Variants in UBAC2 observed in about 807,000 individuals in gnomAD.
UBAC2 encodes ubiquitin-associated domain-containing protein 2.
Under a neutral mutation model 44.0 loss-of-function variants are expected in UBAC2, and 26 were observed. The ratio of observed to expected loss-of-function variants is 0.59; its 90% CI spans 0.43 to 0.82. UBAC2 has a LOEUF of 0.82. Among genes scored for constraint, UBAC2 ranks in the 40% least tolerant of loss-of-function variants. UBAC2 has a pLI of 0.00. For missense variants in UBAC2, 329 were observed against 419.4 expected (o/e 0.78, Z 1.88); for synonymous variants, 155 against 154.3 (o/e 1.00, Z -0.04).
intron 2 of UBAC2, among the ~76,000 whole-genome samples, chr13:99,241,066 C>G (rs2043293330): frequency 6.6e-6 from 1 of 151,960 alleles, no homozygotes; most frequent in South Asian, 2.1e-4. Context: ...GAGTTCAAGA[C>G]CAGCCTGGGC....
At chr13:99,264,629 C>T (rs957501081) in intron 4 of UBAC2, among the ~76,000 whole-genome samples, 2 of 152,162 alleles carry the variant, frequency 1.3e-5, no homozygotes, top group African/African-American at 2.4e-5. Context: ...CTCTGATGGT[C>T]ACTCTCCCCA....
chr13:99,373,724 T>C (rs1040560464), intron 8 of UBAC2, among the ~76,000 whole-genome samples: 50 of 152,122 alleles, frequency 3.3e-4, no homozygotes, highest in Admixed American at 3.0e-3. Context: ...TAGAGGGGAC[T>C]GGAGGGCCGG....
At chr13:99,336,753 G>A (rs546866044) in intron 6 of UBAC2, among the ~76,000 whole-genome samples, 11 of 152,156 alleles carry the variant, frequency 7.2e-5, no homozygotes, top group Non-Finnish European at 1.5e-4. Context: ...GCCTTTTCTG[G>A]GTTTTTTATT....
At position 99,385,250 on chromosome 13, in the gene UBAC2, G is replaced by A; in HGVS notation, c.950G>A (p.Gly317Glu). The change falls in exon 9 of 9, where the codon GGA (glycine) becomes GAA (glutamate). Residue 317 changes from glycine (G) to glutamate (E), a missense_variant. Gly to Glu is a moderately conservative substitution (Grantham distance 98). Transcript: ENST00000403766. ...CAGGTCGCCCGGCTCATGGAGATGG[G>A]ATTTTCCAGAGGTGATGCTTTGGAA... ...EEQVARLMEM[G>E]FSRGDALEAL... is the part of the protein sequence containing the mutation. 10 of 1,614,160 alleles carry A rather than the reference G, an allele frequency of 6.2e-6. No individual in the cohort carries two copies. The highest frequency in any genetic ancestry group is 8.5e-6 in the Non-Finnish European group (10 of 1,180,020).
chr13:99,257,934 TTATTTTTTTAATTAAATA>T (rs1166979744), intron 4 of UBAC2, among the ~76,000 whole-genome samples: 1 of 152,228 alleles, frequency 6.6e-6, no homozygotes, highest in African/African-American at 2.4e-5. Flanking sequence ...TTTGTTATGT[TTATTTTTTTAATTAAATA>T]TATTTTTTTA....
At chr13:99,337,099 G>A (rs1390235764) in intron 6 of UBAC2, among the ~76,000 whole-genome samples, 3 of 152,022 alleles carry the variant, frequency 2.0e-5, no homozygotes, top group Non-Finnish European at 2.9e-5. Context: ...TCAGGCTTTG[G>A]GTCTGGCTTC....
At chr13:99,344,510 TAC>T (rs958126112) in intron 7 of UBAC2, among the ~76,000 whole-genome samples, 9 of 152,242 alleles carry the variant, frequency 5.9e-5, no homozygotes, top group African/African-American at 2.2e-4. Flanking sequence ...TCATTTAAAA[TAC>T]AACTGTTATT....
intron 4 of UBAC2, among the ~76,000 whole-genome samples, chr13:99,305,191 A>G (rs1234208466): frequency 6.6e-6 from 1 of 152,230 alleles, no homozygotes; most frequent in Non-Finnish European, 1.5e-5. Context: ...TACTTTTTAG[A>G]TATTTGCAGA....
At chr13:99,349,313 A>G (rs538574482) in intron 7 of UBAC2, among the ~76,000 whole-genome samples, 42 of 152,224 alleles carry the variant, frequency 2.8e-4, no homozygotes, top group Non-Finnish European at 5.1e-4. Flanking sequence ...CACAGCACCT[A>G]AAGCCCTTGG....
At chr13:99,215,433 C>T in intron 1 of UBAC2, 1 of 1,351,238 alleles carries the variant, frequency 7.4e-7, no homozygotes, top group South Asian at 1.2e-5. Context: ...TGGAATGACA[C>T]CACCACCAGC....
At chr13:99,344,443 ATGTTTT>A (rs1030294510) in intron 7 of UBAC2, among the ~76,000 whole-genome samples, 1 of 152,180 alleles carries the variant, frequency 6.6e-6, no homozygotes, top group African/African-American at 2.4e-5. Context: ...TTTCAAATAC[ATGTTTT>A]TGTTGTTTGC....
chr13:99,311,590 T>C (rs2044411879), intron 4 of UBAC2, among the ~76,000 whole-genome samples: 1 of 152,230 alleles, frequency 6.6e-6, no homozygotes, highest in South Asian at 2.1e-4. Flanking sequence ...CCAACCAATA[T>C]TGAATATGGA....
At position 99,267,880 on chromosome 13, in the gene UBAC2, C is replaced by A. The variant is rs180802494; in HGVS notation, c.389+23256C>A. ...ACCGCTGACACAGTGGCTCAAAGAG[C>A]GCAGATGTTCATTTCACTTTTGTAA... On this transcript the variant is annotated intron_variant, in intron 4 of 8. Coordinates refer to ENST00000403766, the MANE Select transcript of UBAC2 (RefSeq NM_001144072.2). Among the ~76,000 whole-genome samples the A allele has an allele frequency of 2.6e-5, 4 of 152,172 alleles. No individual in the cohort carries two copies. The East Asian group carries it at 7.7e-4, about 29-fold the overall frequency.
intron 4 of UBAC2, among the ~76,000 whole-genome samples, chr13:99,282,830 T>C (rs1388650390): frequency 6.6e-6 from 1 of 152,198 alleles, no homozygotes; most frequent in African/African-American, 2.4e-5. Flanking sequence ...TATAGCAAAA[T>C]ATACAGCACA....
intron 7 of UBAC2, among the ~76,000 whole-genome samples, chr13:99,352,069 T>C (rs1277632922): frequency 6.6e-6 from 1 of 152,216 alleles, no homozygotes; most frequent in African/African-American, 2.4e-5. Flanking sequence ...ATCTGAGATG[T>C]GCACCAGGAG....
intron 1 of UBAC2, 195 bp downstream of exon 1, chr13:99,201,134 G>A (rs2042790899): frequency 7.4e-7 from 1 of 1,355,450 alleles, no homozygotes; most frequent in Middle Eastern, 2.0e-4. Flanking sequence ...CTGGAGGGGC[G>A]AATGGGGACA....
intron 4 of UBAC2, among the ~76,000 whole-genome samples, chr13:99,284,215 C>T (rs1481661556): frequency 2.0e-5 from 3 of 152,170 alleles, no homozygotes; most frequent in Non-Finnish European, 4.4e-5. Flanking sequence ...TACAAATAAA[C>T]ACACAATGCA....
At chr13:99,307,151 A>G (rs2044348519) in intron 4 of UBAC2, among the ~76,000 whole-genome samples, 5 of 152,186 alleles carry the variant, frequency 3.3e-5, no homozygotes, top group Non-Finnish European at 5.9e-5. Flanking sequence ...AGTCAACTTT[A>G]TAAGAACTAA....
At chr13:99,312,526 G>A (rs1470745846) in intron 4 of UBAC2, among the ~76,000 whole-genome samples, 2 of 152,186 alleles carry the variant, frequency 1.3e-5, no homozygotes, top group Non-Finnish European at 2.9e-5. Flanking sequence ...TCTCTTGGAC[G>A]TAGTTGTAGC....
Sources: allele counts gnomAD v4.1 joint callset (sites outside exome capture counted in the v4.1 genomes callset), GRCh38; gene constraint gnomAD v4.1.1; transcripts MANE v1.5; gene names NCBI Gene and HGNC (gene_info 2026-07-23, HGNC 2026-07-21).